The following TUSC3 variants were observed in gnomAD, a reference collection of about 807,000 sequenced individuals.
TUSC3 encodes dolichyl-diphosphooligosaccharide--protein glycosyltransferase subunit TUSC3.
In TUSC3, 45 loss-of-function variants were observed where a neutral mutation model predicts 44.8. The observed-to-expected ratio is 1.00, with a 90% CI of 0.79 to 1.29. TUSC3 has a LOEUF of 1.29. Among genes scored for constraint, TUSC3 ranks in the 50% most tolerant of loss-of-function variants. The pLI is 0.00. For missense variants in TUSC3, 519 were observed against 437.9 expected, an observed-to-expected ratio of 1.19 and a Z score of -1.65; for synonymous variants, 212 against 152.9, an observed-to-expected ratio of 1.39 and a Z score of -2.85.
the TUSC3 span, among the ~76,000 whole-genome samples, chr8:15,850,726 C>T: frequency 2.6e-5 from 4 of 152,028 alleles, no homozygotes; most frequent in South Asian, 2.1e-4. Flanking sequence ...AATTTTAACA[C>T]GAAGATGCCA....
At chr8:15,578,709 C>T (rs897394564) in intron 1 of TUSC3, among the ~76,000 whole-genome samples, 10 of 152,116 alleles carry the variant, frequency 6.6e-5, no homozygotes, top group African/African-American at 2.2e-4. Flanking sequence ...CTGCTGGATT[C>T]GTTTTGCCAG....
intron 2 of TUSC3, among the ~76,000 whole-genome samples, chr8:15,514,991 G>C (rs1033515429): frequency 2.0e-5 from 3 of 152,146 alleles, no homozygotes; most frequent in Non-Finnish European, 4.4e-5. Context: ...AATGACAATA[G>C]TGTTTAATTT....
intron 2 of TUSC3, among the ~76,000 whole-genome samples, chr8:15,498,282 C>T (rs1800910896): frequency 6.6e-6 from 1 of 152,124 alleles, no homozygotes; most frequent in Non-Finnish European, 1.5e-5. Flanking sequence ...CTAATAGATG[C>T]AGTGGAGTTT....
the TUSC3 span, among the ~76,000 whole-genome samples, chr8:15,787,391 A>C: frequency 1.3e-5 from 2 of 152,192 alleles, no homozygotes; most frequent in African/African-American, 4.8e-5. Context: ...TCCAAAGTAC[A>C]TGATGATTTG....
chr8:15,736,420 T>C (rs1810940441), intron 7 of TUSC3, among the ~76,000 whole-genome samples: 1 of 152,172 alleles, frequency 6.6e-6, no homozygotes, highest in African/African-American at 2.4e-5. Context: ...TATAAAATTG[T>C]GTTTAAAACT....
intron 1 of TUSC3, among the ~76,000 whole-genome samples, chr8:15,589,348 T>C (rs988437602): frequency 6.6e-6 from 1 of 152,186 alleles, no homozygotes; most frequent in African/African-American, 2.4e-5. Context: ...GATCCTGAAA[T>C]GATCCATACG....
chr8:15,512,883 T>TATATATATATAC (rs1563270845), intron 2 of TUSC3, among the ~76,000 whole-genome samples: 1 of 143,822 alleles, frequency 7.0e-6, no homozygotes, highest in African/African-American at 2.6e-5. Flanking sequence ...TATATATATA[T>TATATATATATAC]ATACACACAA....
At chr8:15,669,794 T>A (rs1055360356) in intron 5 of TUSC3, among the ~76,000 whole-genome samples, 3 of 151,696 alleles carry the variant, frequency 2.0e-5, no homozygotes, top group Non-Finnish European at 4.4e-5. Context: ...AGATGCCTGC[T>A]CTTGAGTATT....
the TUSC3 span, among the ~76,000 whole-genome samples, chr8:15,803,861 C>A: frequency 6.6e-6 from 1 of 152,098 alleles, no homozygotes; most frequent in African/African-American, 2.4e-5. Context: ...CATCCATGTC[C>A]CTGCAAAGGA....
At chr8:15,418,263 A>G (rs1217001187) in intron 1 of TUSC3, among the ~76,000 whole-genome samples, 1 of 152,174 alleles carries the variant, frequency 6.6e-6, no homozygotes, top group Non-Finnish European at 1.5e-5. Context: ...CCCTGTTATA[A>G]CAATAGGTGG....
At chr8:15,687,663 T>C (rs886512134) in intron 6 of TUSC3, among the ~76,000 whole-genome samples, 2 of 152,184 alleles carry the variant, frequency 1.3e-5, no homozygotes, top group Non-Finnish European at 2.9e-5. Context: ...CAACTGTTGC[T>C]GCCTATCTAT....
At chr8:15,444,960 C>G (rs929794010) in intron 1 of TUSC3, among the ~76,000 whole-genome samples, 1 of 152,048 alleles carries the variant, frequency 6.6e-6, no homozygotes, top group African/African-American at 2.4e-5. Context: ...ACTTCAGATG[C>G]AGGAGAAGGA....
chr8:15,688,176 T>A (rs1403342620), intron 6 of TUSC3, among the ~76,000 whole-genome samples: 1 of 151,852 alleles, frequency 6.6e-6, no homozygotes, highest in Non-Finnish European at 1.5e-5. Flanking sequence ...TTTCATCGTA[T>A]CAATAAAGTT....
At chr8:15,427,610 C>T (rs1423043831) in intron 1 of TUSC3, among the ~76,000 whole-genome samples, 3 of 152,118 alleles carry the variant, frequency 2.0e-5, no homozygotes, top group Admixed American at 2.0e-4. Context: ...TCCTTCCTTT[C>T]ATTCCCGCTG....
intron 4 of TUSC3, among the ~76,000 whole-genome samples, chr8:15,661,251 T>C (rs756058461): frequency 1.3e-5 from 2 of 152,086 alleles, no homozygotes; most frequent in Non-Finnish European, 2.9e-5. Context: ...TTTTGTCAAG[T>C]AACCTAATAC....
At chr8:15,836,722 T>C in the TUSC3 span, among the ~76,000 whole-genome samples, 3 of 152,182 alleles carry the variant, frequency 2.0e-5, no homozygotes, top group South Asian at 2.1e-4. Flanking sequence ...TTCATTTATA[T>C]TGCCAATTAA....
chr8:15,625,507 T>C (rs141803648), intron 2 of TUSC3, among the ~76,000 whole-genome samples: 1 of 152,210 alleles, frequency 6.6e-6, no homozygotes, highest in African/African-American at 2.4e-5. Flanking sequence ...ACATAATCCA[T>C]TTCCTCGATG....
the TUSC3 span, among the ~76,000 whole-genome samples, chr8:15,838,737 C>T: frequency 3.3e-5 from 5 of 152,108 alleles, no homozygotes; most frequent in African/African-American, 1.2e-4. Context: ...GGTACCAGTA[C>T]CATGCTGTTT....
chr8:15,441,322 G>A (rs1800018172), intron 1 of TUSC3, among the ~76,000 whole-genome samples: 1 of 152,196 alleles, frequency 6.6e-6, no homozygotes, highest in Non-Finnish European at 1.5e-5. Flanking sequence ...CAGGAGAATT[G>A]CTTGAGCCCA....
Sources: allele counts gnomAD v4.1 joint callset (sites outside exome capture counted in the v4.1 genomes callset), GRCh38; gene constraint gnomAD v4.1.1; transcripts MANE v1.5; gene names NCBI Gene and HGNC (gene_info 2026-07-23, HGNC 2026-07-21).